OSBPL8: variants seen among roughly 807,000 people sequenced by gnomAD.
OSBPL8 encodes oxysterol binding protein like 8, also known as oxysterol-binding protein-related protein 8.
A neutral mutation model predicts 125.5 loss-of-function variants in OSBPL8; 59 were observed. The observed-to-expected ratio is 0.47, with a 90% CI of 0.38 to 0.58. OSBPL8 has a LOEUF of 0.58. Among genes scored for constraint, OSBPL8 ranks in the 20% least tolerant of loss-of-function variants. OSBPL8 has a pLI of 0.00. For synonymous variants in OSBPL8, 330 were observed against 338.9 expected, an observed-to-expected ratio of 0.97 and a Z score of 0.29; for missense variants, 758 against 1,047.8, an observed-to-expected ratio of 0.72 and a Z score of 3.82.
At chr12:76,558,398 A>T (rs1951173264) in intron 1 of OSBPL8, among the ~76,000 whole-genome samples, 1 of 152,208 alleles carries the variant, frequency 6.6e-6, no homozygotes, top group Non-Finnish European at 1.5e-5. Context: ...TCTAGATACG[A>T]AGGGAGGCAA....
At chr12:76,522,546 A>G (rs1950049949) in intron 1 of OSBPL8, among the ~76,000 whole-genome samples, 1 of 152,106 alleles carries the variant, frequency 6.6e-6, no homozygotes, top group African/African-American at 2.4e-5. Context: ...GTTCCCAGTA[A>G]AGTGGGTTGC....
At chr12:76,524,529 G>C (rs923045274) in intron 1 of OSBPL8, among the ~76,000 whole-genome samples, 1 of 151,986 alleles carries the variant, frequency 6.6e-6, no homozygotes, top group South Asian at 2.1e-4. Flanking sequence ...ATAATAATTG[G>C]AAAGTGTTGC....
At chr12:76,455,574 C>T (rs888882284) in intron 3 of OSBPL8, among the ~76,000 whole-genome samples, 6 of 152,022 alleles carry the variant, frequency 3.9e-5, no homozygotes, top group South Asian at 2.1e-4. Flanking sequence ...TTTTGATAGC[C>T]GTGAAGTAAC....
At chr12:76,447,029 T>G (rs571220338) in intron 4 of OSBPL8, among the ~76,000 whole-genome samples, 2 of 152,202 alleles carry the variant, frequency 1.3e-5, no homozygotes, top group Non-Finnish European at 2.9e-5. Flanking sequence ...TAACCCTAAG[T>G]GATGATCTTG....
intron 1 of OSBPL8, among the ~76,000 whole-genome samples, chr12:76,531,646 G>T (rs1400655231): frequency 1.3e-5 from 2 of 152,122 alleles, no homozygotes; most frequent in African/African-American, 4.8e-5. Flanking sequence ...GAATTAACAG[G>T]CCATGTAGTA....
chr12:76,497,295 A>G (rs1479066513), intron 1 of OSBPL8, among the ~76,000 whole-genome samples: 2 of 151,572 alleles, frequency 1.3e-5, no homozygotes, highest in Non-Finnish European at 2.9e-5. Context: ...CTGATGTTGT[A>G]GCATGAAAGC....
At chr12:76,524,204 A>T (rs1322124758) in intron 1 of OSBPL8, among the ~76,000 whole-genome samples, 1 of 152,212 alleles carries the variant, frequency 6.6e-6, no homozygotes, top group East Asian at 1.9e-4. Flanking sequence ...AAAAATGTCC[A>T]TAAGCACCAA....
intron 4 of OSBPL8, among the ~76,000 whole-genome samples, chr12:76,433,398 G>C (rs557205921): frequency 1.1e-4 from 17 of 151,884 alleles, no homozygotes; most frequent in African/African-American, 4.1e-4. Flanking sequence ...AAAAATTAGT[G>C]GTGTTTCTAT....
intron 2 of OSBPL8, among the ~76,000 whole-genome samples, chr12:76,478,749 C>T (rs764423570): frequency 3.5e-4 from 53 of 152,180 alleles, no homozygotes; most frequent in Non-Finnish European, 5.7e-4. Flanking sequence ...TATTTAAGTA[C>T]TGCTAACAAA....
intron 1 of OSBPL8, among the ~76,000 whole-genome samples, chr12:76,523,448 T>G (rs1327825227): frequency 2.0e-5 from 3 of 152,214 alleles, no homozygotes; most frequent in African/African-American, 7.2e-5. Flanking sequence ...AATTCCTCAC[T>G]GCTATGAACT....
At chr12:76,528,004 G>A (rs1297591543) in intron 1 of OSBPL8, among the ~76,000 whole-genome samples, 6 of 152,096 alleles carry the variant, frequency 3.9e-5, no homozygotes, top group Admixed American at 3.9e-4. Flanking sequence ...ACAACCCCCT[G>A]TAGCATTTTA....
chr12:76,372,100 G>T (rs553083666), intron 18 of OSBPL8, among the ~76,000 whole-genome samples: 18 of 152,192 alleles, frequency 1.2e-4, no homozygotes, highest in Admixed American at 7.2e-4. Context: ...GAGTGCAGCG[G>T]TGCTATCTAC....
At chr12:76,417,793 T>C (rs1326158437) in intron 4 of OSBPL8, among the ~76,000 whole-genome samples, 2 of 152,144 alleles carry the variant, frequency 1.3e-5, no homozygotes, top group African/African-American at 4.8e-5. Context: ...TTAAAAACAT[T>C]AGTTTGTATC....
chr12:76,502,860 GGATT>G (rs1200681080), intron 1 of OSBPL8, among the ~76,000 whole-genome samples: 1 of 151,890 alleles, frequency 6.6e-6, no homozygotes, highest in African/African-American at 2.4e-5. Context: ...GTAATTTCTG[GGATT>G]ATTACTTCCT....
At chr12:76,431,816 C>T (rs1310440600) in intron 4 of OSBPL8, among the ~76,000 whole-genome samples, 4 of 151,852 alleles carry the variant, frequency 2.6e-5, no homozygotes, top group Non-Finnish European at 4.4e-5. Flanking sequence ...CAATACTCCA[C>T]TTTTTTTTAG....
intron 14 of OSBPL8, among the ~76,000 whole-genome samples, chr12:76,385,354 G>A (rs1953266043): frequency 6.6e-6 from 1 of 152,092 alleles, no homozygotes; most frequent in African/African-American, 2.4e-5. Context: ...ACAGAAGACT[G>A]AAAATCATGA....
chr12:76,518,032 C>T (rs902750933), intron 1 of OSBPL8, among the ~76,000 whole-genome samples: 1 of 152,168 alleles, frequency 6.6e-6, no homozygotes, highest in African/African-American at 2.4e-5. Context: ...ACTCACACTG[C>T]AAAATACAAT....
chr12:76,471,812 A>G (rs1286306523), intron 2 of OSBPL8, among the ~76,000 whole-genome samples: 1 of 152,212 alleles, frequency 6.6e-6, no homozygotes, highest in Non-Finnish European at 1.5e-5. Flanking sequence ...CTTCAAACAT[A>G]CCATGTTGTT....
At chr12:76,386,725 T>A in intron 12 of OSBPL8, 65 bp from the exon 13 acceptor site, 2 of 1,088,488 alleles carry the variant, frequency 1.8e-6, no homozygotes, top group Non-Finnish European at 2.7e-6. Context: ...TCACATTTAT[T>A]AACCAATAAC....
Sources: gnomAD v4.1 joint callset for allele counts (sites outside exome capture counted in the v4.1 genomes callset) on GRCh38, gnomAD v4.1.1 for gene constraint, MANE v1.5 for transcripts, NCBI Gene and HGNC (gene_info 2026-07-23, HGNC 2026-07-21) for gene names.